The following KCNB2 variants were observed in gnomAD, a reference collection of about 807,000 sequenced individuals.
The protein encoded by KCNB2 is potassium voltage-gated channel subfamily B member 2, also known as delayed rectifier potassium channel protein.
KCNB2 carries 15 observed loss-of-function variants against 61.5 expected under a neutral mutation model. The ratio of observed to expected loss-of-function variants is 0.24; its 90% CI spans 0.16 to 0.38. The LOEUF (loss-of-function observed/expected upper bound fraction) is 0.38. Ranked by LOEUF, KCNB2 falls within the 10% of genes least tolerant of loss-of-function variation. KCNB2 has a pLI of 1.00. For synonymous variants in KCNB2, 457 were observed against 446.0 expected (o/e 1.02, Z -0.31); for missense variants, 828 against 1,125.2 (o/e 0.74, Z 3.78).
intron 2 of KCNB2, among the ~76,000 whole-genome samples, chr8:72,574,864 G>A (rs1806771297): frequency 6.6e-6 from 1 of 151,042 alleles, no homozygotes; most frequent in Non-Finnish European, 1.5e-5. Flanking sequence ...TAAAATAAAT[G>A]ATCTACTCTT....
rs765875293 is a variant in KCNB2 at position 72,937,648 on chromosome 8, G to T, written c.2293G>T (p.Asp765Tyr). 10 of 1,614,004 alleles carry T rather than the reference G, an allele frequency of 6.2e-6. No individual in the cohort carries two copies. The highest frequency in any genetic ancestry group is 1.1e-5 in the South Asian group (1 of 91,086). The change falls in exon 3 of 3, where the codon GAC (aspartate) becomes TAC (tyrosine). Residue 765 changes from aspartate (D) to tyrosine (Y), a missense_variant. Around this residue, in one of 4 missense-constraint regions of KCNB2, gnomAD observed 559 missense variants for 588.4 expected, o/e 0.95. Coordinates refer to ENST00000523207, the MANE Select transcript of KCNB2 (RefSeq NM_004770.3). Reference protein sequence around the residue: ...ILLEETPSQGDRPLLGTEVSA... With the variant: ...ILLEETPSQGYRPLLGTEVSA... ...CTTAGAAGAAACCCCCTCCCAGGGA[G>T]ACAGACCCTTGCTGGGCACTGAGGT...
chr8:72,871,338 C>T (rs1277015290), intron 2 of KCNB2, among the ~76,000 whole-genome samples: 1 of 152,168 alleles, frequency 6.6e-6, no homozygotes, highest in African/African-American at 2.4e-5. Context: ...GAATGCATAC[C>T]TCACAAAGTT....
intron 1 of KCNB2, among the ~76,000 whole-genome samples, chr8:72,552,314 C>T (rs1224938772): frequency 6.6e-6 from 1 of 152,112 alleles, no homozygotes; most frequent in Non-Finnish European, 1.5e-5. Context: ...TTGTCTAGAC[C>T]AGTGCTTCCC....
intron 2 of KCNB2, among the ~76,000 whole-genome samples, chr8:72,905,020 A>G (rs1471443497): frequency 6.6e-6 from 1 of 152,150 alleles, no homozygotes; most frequent in Non-Finnish European, 1.5e-5. Context: ...GATCTGGAGA[A>G]TGATGATGAT....
chr8:72,737,063 T>C (rs915453929), intron 2 of KCNB2, among the ~76,000 whole-genome samples: 1 of 152,084 alleles, frequency 6.6e-6, no homozygotes, highest in Non-Finnish European at 1.5e-5. Flanking sequence ...TTATGGTTGT[T>C]TTTGTTTGTA....
At chr8:72,811,288 T>A in intron 2 of KCNB2, among the ~76,000 whole-genome samples, 1 of 151,882 alleles carries the variant, frequency 6.6e-6, no homozygotes, top group Non-Finnish European at 1.5e-5. Context: ...AACATGTAAA[T>A]CTCTGGTTCA....
At chr8:72,655,746 A>T (rs532725048) in intron 2 of KCNB2, among the ~76,000 whole-genome samples, 1 of 152,200 alleles carries the variant, frequency 6.6e-6, no homozygotes, top group Non-Finnish European at 1.5e-5. Flanking sequence ...AATGATTAAG[A>T]CTGTGAATAG....
chr8:72,757,110 G>A lies in KCNB2; in HGVS notation c.580-178825G>A, dbSNP rs17765547. ...TGGAAAGGACAGAACCTTGGGGAGC[G>A]CCAATGTGCTTAATGGGAGGGCAGA... On this transcript the variant is annotated intron_variant, in intron 2 of 2. Coordinates refer to ENST00000523207, the MANE Select transcript of KCNB2 (RefSeq NM_004770.3). Among the ~76,000 whole-genome samples, 369 of 152,092 alleles carry A rather than the reference G, an allele frequency of 2.4e-3. 4 individuals are homozygous for A. Among genetic ancestry groups the A allele is most frequent in the Middle Eastern group, 0.01 (3 of 294 alleles).
At chr8:72,630,962 T>A (rs1805869028) in intron 2 of KCNB2, among the ~76,000 whole-genome samples, 1 of 152,180 alleles carries the variant, frequency 6.6e-6, no homozygotes, top group East Asian at 1.9e-4. Flanking sequence ...CCCCCATGGA[T>A]GCCTGAAACT....
intron 2 of KCNB2, among the ~76,000 whole-genome samples, chr8:72,684,094 A>G (rs1806808320): frequency 6.6e-6 from 1 of 152,184 alleles, no homozygotes; most frequent in South Asian, 2.1e-4. Context: ...AAGTGGCCTA[A>G]AAACGGCATC....
At chr8:72,554,636 G>T (rs949895620) in intron 1 of KCNB2, among the ~76,000 whole-genome samples, 2 of 152,070 alleles carry the variant, frequency 1.3e-5, no homozygotes, top group Non-Finnish European at 2.9e-5. Flanking sequence ...TGGGAAGATT[G>T]TTTAAATCTA....
At chr8:72,596,341 AC>A (rs1807189434) in intron 2 of KCNB2, among the ~76,000 whole-genome samples, 1 of 152,192 alleles carries the variant, frequency 6.6e-6, no homozygotes, top group Admixed American at 6.5e-5. Context: ...GCCGAGTACT[AC>A]TTTTCTGACC....
Position 72,690,204 on chromosome 8 carries a change from G to A in KCNB2, c.579+121891G>A, listed in dbSNP as rs558336991. ...TTCATGTCACTCGCTCCCATGAATC[G>A]TACACTGTTTAGAAATGGACATGTG... On this transcript the variant is annotated intron_variant, in intron 2 of 2. Transcript: ENST00000523207. Among the ~76,000 whole-genome samples, 137 of 152,200 alleles carry A rather than the reference G, an allele frequency of 9.0e-4. 1 individual carries two copies. Among genetic ancestry groups the A allele is most frequent in the Admixed American group, 2.1e-3 (32 of 15,286 alleles).
At chr8:72,736,166 A>G (rs982533961) in intron 2 of KCNB2, among the ~76,000 whole-genome samples, 1 of 45,346 alleles carries the variant, frequency 2.2e-5, no homozygotes, top group Non-Finnish European at 4.0e-5. Flanking sequence ...TACACAACTT[A>G]ATGTGAATTG....
At chr8:72,717,608 A>G (rs11726356) in intron 2 of KCNB2, among the ~76,000 whole-genome samples, 2 of 152,200 alleles carry the variant, frequency 1.3e-5, no homozygotes, top group Admixed American at 6.5e-5. Flanking sequence ...CTGGCTAGCC[A>G]TATGTAGAAA....
intron 2 of KCNB2, among the ~76,000 whole-genome samples, chr8:72,714,925 G>A (rs1441389824): frequency 1.3e-5 from 2 of 152,166 alleles, no homozygotes; most frequent in Admixed American, 6.5e-5. Flanking sequence ...CATCTCACGT[G>A]CAGAGACACA....
At chr8:72,790,097 T>C (rs1356995818) in intron 2 of KCNB2, among the ~76,000 whole-genome samples, 1 of 152,124 alleles carries the variant, frequency 6.6e-6, no homozygotes, top group Non-Finnish European at 1.5e-5. Context: ...ATACTCTCAG[T>C]TGCTTGTGTG....
At chr8:72,657,442 C>G (rs536693609) in intron 2 of KCNB2, among the ~76,000 whole-genome samples, 2 of 152,064 alleles carry the variant, frequency 1.3e-5, no homozygotes, top group Non-Finnish European at 2.9e-5. Context: ...TTTCTAATAT[C>G]TCCAATTTCA....
intron 2 of KCNB2, among the ~76,000 whole-genome samples, chr8:72,657,891 A>G (rs1444134633): frequency 6.6e-6 from 1 of 152,194 alleles, no homozygotes; most frequent in Non-Finnish European, 1.5e-5. Context: ...ATTCGCACCC[A>G]TATAAGACAG....
Sources: gnomAD v4.1 joint callset for allele counts (sites outside exome capture counted in the v4.1 genomes callset) on GRCh38, gnomAD v4.1.1 for gene constraint, gnomAD v4.1.1 regional missense constraint, MANE v1.5 for transcripts, NCBI Gene and HGNC (gene_info 2026-07-23, HGNC 2026-07-21) for gene names.